The following SPHKAP variants were observed in gnomAD, a reference collection of about 807,000 sequenced individuals.
The protein encoded by SPHKAP is SPHK1 interactor, AKAP domain containing.
In SPHKAP, 67 loss-of-function variants were observed where a neutral mutation model predicts 137.5. The ratio of observed to expected loss-of-function variants is 0.49; its 90% confidence interval spans 0.40 to 0.60. The LOEUF (loss-of-function observed/expected upper bound fraction) is 0.60, where lower values mean the gene tolerates loss of function less well. Among genes scored for constraint, SPHKAP ranks in the 20% least tolerant of loss-of-function variants. SPHKAP has a pLI of 0.00. For missense variants in SPHKAP, 2,097 were observed against 2,069.3 expected, an observed-to-expected ratio of 1.01 and a Z score of -0.26; for synonymous variants, 813 against 785.3, an observed-to-expected ratio of 1.04 and a Z score of -0.59.
chr2:228,140,585 G>A (rs1699575643), intron 1 of SPHKAP, among the ~76,000 whole-genome samples: 1 of 151,990 alleles, frequency 6.6e-6, no homozygotes, highest in Non-Finnish European at 1.5e-5. Flanking sequence ...GATTGATGAG[G>A]GTAACACGTA....
At chr2:228,032,677 T>C (rs913033952) in intron 3 of SPHKAP, among the ~76,000 whole-genome samples, 2 of 152,240 alleles carry the variant, frequency 1.3e-5, no homozygotes, top group African/African-American at 4.8e-5. Context: ...ACAGCTGATC[T>C]CTTGGCAGAA....
chr2:227,987,928 A>G (rs1693271525), intron 11 of SPHKAP, among the ~76,000 whole-genome samples: 1 of 152,222 alleles, frequency 6.6e-6, no homozygotes, highest in East Asian at 1.9e-4. Context: ...ATTGTCCAAT[A>G]CCCTAGTGAC....
intron 3 of SPHKAP, among the ~76,000 whole-genome samples, chr2:228,056,036 C>T (rs1452795981): frequency 6.6e-6 from 1 of 152,192 alleles, no homozygotes; most frequent in Non-Finnish European, 1.5e-5. Flanking sequence ...AGCTTAGAAA[C>T]TGTGATGCAT....
chr2:228,123,430 T>G (rs768133361), intron 2 of SPHKAP, among the ~76,000 whole-genome samples: 38 of 152,354 alleles, frequency 2.5e-4, no homozygotes, highest in Middle Eastern at 3.4e-3. Context: ...GAAATTCTTG[T>G]GTCTTCCTTC....
chr2:228,007,969 A>G (rs1023688709), intron 7 of SPHKAP, among the ~76,000 whole-genome samples: 1 of 152,210 alleles, frequency 6.6e-6, no homozygotes, highest in African/African-American at 2.4e-5. Context: ...AGAAGAAAAC[A>G]TAGCTGAAAA....
chr2:228,066,053 G>T (rs147012466), intron 3 of SPHKAP, among the ~76,000 whole-genome samples: 1 of 152,288 alleles, frequency 6.6e-6, no homozygotes, highest in African/African-American at 2.4e-5. Flanking sequence ...GCAGGGGGCT[G>T]TGGTTTAGCT....
intron 3 of SPHKAP, among the ~76,000 whole-genome samples, chr2:228,058,550 G>T (rs1264337800): frequency 6.6e-6 from 1 of 152,116 alleles, no homozygotes; most frequent in Non-Finnish European, 1.5e-5. Context: ...CGCTGTTAAC[G>T]TTGCTGGAGG....
chr2:228,019,882 A>G lies in SPHKAP; in HGVS notation c.972T>C (p.His324=). ...GNGRQATHYY[H]SEAFKGQMEK... ...CCATTTGACCTTTAAAAGCTTCTGA[A>G]TGATAATAATGTGTGGCTTGTCTCC... is the stretch of plus-strand genomic sequence containing the variant. Residue 324 remains histidine (H), a synonymous_variant, in exon 7 of 12, where the codon CAT becomes CAC. Coordinates refer to ENST00000392056, the MANE Select transcript of SPHKAP (RefSeq NM_001142644.2). 1.2e-6 allele frequency: 2 copies of G among 1,614,244 alleles called. No individual in the cohort carries two copies. The highest frequency in any genetic ancestry group is 8.5e-7 in the Non-Finnish European group (1 of 1,180,038).
At position 228,021,913 on chromosome 2, in the gene SPHKAP, T is replaced by C. The variant is rs1190039253; in HGVS notation, c.495A>G (p.Pro165=). 6.2e-7 allele frequency: 1 copy of C among 1,613,974 alleles called. No homozygotes were observed. The highest frequency in any genetic ancestry group is 8.5e-7 in the Non-Finnish European group (1 of 1,179,986). ...CLVQCARGNR[P]NSTNCIIFEI... is the part of the protein sequence containing the mutation. ...CAAAGATGATGCAGTTGGTACTGTT[T>C]GGTCTGTTCCCTCTTGCACATTGGA... The change falls in exon 6 of 12, where the codon CCA becomes CCG. Residue 165 remains proline, a synonymous_variant. Coordinates refer to ENST00000392056, the MANE Select transcript of SPHKAP (RefSeq NM_001142644.2).
At chr2:228,026,962 C>A (rs1222085288) in intron 4 of SPHKAP, among the ~76,000 whole-genome samples, 1 of 152,186 alleles carries the variant, frequency 6.6e-6, no homozygotes, top group Admixed American at 6.5e-5. Flanking sequence ...GCACTTAATT[C>A]TTCCCATTGT....
chr2:228,059,501 C>T (rs548644284), intron 3 of SPHKAP, among the ~76,000 whole-genome samples: 11 of 152,264 alleles, frequency 7.2e-5, no homozygotes, highest in African/African-American at 4.8e-5. Context: ...GCTGAATATG[C>T]CAGCCAGTGA....
chr2:228,132,010 G>A lies in SPHKAP; in HGVS notation c.108C>T (p.Gly36=), dbSNP rs916188321. 6.2e-7 allele frequency: 1 copy of A among 1,614,018 alleles called. No individual in the cohort carries two copies. Among genetic ancestry groups the A allele is most frequent in the East Asian group, 2.2e-5 (1 of 44,880 alleles). Residue 36 remains glycine (G), a synonymous_variant, in exon 2 of 12, where the codon GGC becomes GGT. Transcript: ENST00000392056. Reference sequence around the variant, plus strand: ...TACAGGCTGTGATGGAGTTCCCCGGGCCGCTTCCTGAGCTGCCACAGCCTC... The same window carrying A: ...TACAGGCTGTGATGGAGTTCCCCGGACCGCTTCCTGAGCTGCCACAGCCTC... ...QGRGCGSSGS[G]PGNSITACKK...
intron 3 of SPHKAP, among the ~76,000 whole-genome samples, chr2:228,041,834 T>G (rs10193773): frequency 0.38 from 57,868 of 151,580 alleles, 11,491 homozygotes; most frequent in South Asian, 0.51. Context: ...ATGTGCAGAC[T>G]CTGGCTCTGC....
intron 3 of SPHKAP, among the ~76,000 whole-genome samples, chr2:228,050,756 G>T (rs1173388726): frequency 6.6e-6 from 1 of 152,090 alleles, no homozygotes; most frequent in Admixed American, 6.6e-5. Context: ...AGTGATCTAA[G>T]TGTATAATTT....
intron 1 of SPHKAP, among the ~76,000 whole-genome samples, chr2:228,142,740 C>G (rs1312041131): frequency 6.6e-6 from 1 of 152,084 alleles, no homozygotes; most frequent in African/African-American, 2.4e-5. Flanking sequence ...GGAAAAATAG[C>G]TACTGAGTAC....
At position 228,023,151 on chromosome 2, in the gene SPHKAP, G is replaced by A. The variant is rs113735303; in HGVS notation, c.442-1185C>T. Among the ~76,000 whole-genome samples, 165 of 152,218 alleles carry A rather than the reference G, an allele frequency of 1.1e-3. 2 individuals carry two copies. Among genetic ancestry groups the A allele is most frequent in the African/African-American group, 3.5e-3 (144 of 41,530 alleles). The stretch of plus-strand genomic sequence containing the variant: ...ATATTATTTATTGCTCATTGGAATC[G>A]TAATAAAAGGTTCCAATAATTCTAG... On this transcript the variant is annotated intron_variant, in intron 5 of 11. Transcript: ENST00000392056.
chr2:228,129,211 C>A (rs896719130), intron 2 of SPHKAP, among the ~76,000 whole-genome samples: 4 of 152,094 alleles, frequency 2.6e-5, no homozygotes, highest in African/African-American at 9.7e-5. Flanking sequence ...GAGAGAATTA[C>A]CAAAATGTGA....
intron 11 of SPHKAP, 115 bp downstream of exon 11, chr2:227,990,885 A>T (rs919926585): frequency 1.0e-5 from 11 of 1,054,562 alleles, no homozygotes; most frequent in Non-Finnish European, 1.5e-5. Flanking sequence ...TTTAAGATCA[A>T]GAACAGTCAG....
chr2:228,030,015 C>A (rs899201170), intron 3 of SPHKAP, among the ~76,000 whole-genome samples: 9 of 152,126 alleles, frequency 5.9e-5, no homozygotes, highest in African/African-American at 2.2e-4. Flanking sequence ...CTCTTTTCAC[C>A]CATTTTAGGC....
Sources: allele counts gnomAD v4.1 joint callset (sites outside exome capture counted in the v4.1 genomes callset), GRCh38; gene constraint gnomAD v4.1.1; transcripts MANE v1.5; gene names NCBI Gene and HGNC (gene_info 2026-07-23, HGNC 2026-07-21).